The following RTEL1 variants were observed in gnomAD, a reference collection of about 807,000 sequenced individuals.
RTEL1 encodes regulator of telomere length.
A neutral mutation model predicts 162.2 loss-of-function variants in RTEL1; 86 were observed. The observed-to-expected ratio is 0.53, with a 90% confidence interval of 0.45 to 0.63. The LOEUF (loss-of-function observed/expected upper bound fraction) is 0.63. RTEL1 is among the 30% of genes least tolerant of loss of function. RTEL1 has a pLI of 0.00. For missense variants in RTEL1, 1,941 were observed against 1,750.2 expected (o/e 1.11, Z -1.95); for synonymous variants, 958 against 717.9 (o/e 1.33, Z -5.35).
At chr20:63,682,868 G>A (rs2090506670) in intron 14 of RTEL1, among the ~76,000 whole-genome samples, 1 of 152,258 alleles carries the variant, frequency 6.6e-6, no homozygotes, top group Non-Finnish European at 1.5e-5. Flanking sequence ...GGCCCGTGTT[G>A]GGGAACCAGT....
intron 16 of RTEL1, chr20:63,686,891 C>T (rs975190685): frequency 1.2e-5 from 2 of 164,658 alleles, no homozygotes; most frequent in Non-Finnish European, 2.6e-5. Flanking sequence ...TCTGATGTCA[C>T]TTGACTTCTC....
rs2090971128 is a variant in RTEL1 at position 63,696,000 on chromosome 20, C to A, written c.*142C>A. ...GCTGCAGGCCTCAGGCAGGCGGGGC[C>A]CATGGTTGGTCCCTGCGGTGGGACC... On this transcript the variant is annotated 3_prime_UTR_variant, in exon 35 of 35. Coordinates refer to ENST00000360203, the MANE Select transcript of RTEL1 (RefSeq NM_001283009.2). The A allele has an allele frequency of 3.7e-6, 3 of 807,636 alleles. No homozygotes were observed. The highest frequency in any genetic ancestry group is 5.8e-6 in the Non-Finnish European group (3 of 518,790). 50.0% of individuals were successfully genotyped at this position (807,636 alleles called of 1,614,324 possible).
chr20:63,658,253 C>T (rs1367974737), upstream of RTEL1: 3 of 152,374 alleles, frequency 2.0e-5, no homozygotes, highest in South Asian at 2.1e-4. Context: ...AGGCGGACCC[C>T]CTCCGCGGGG....
chr20:63,664,195 G>A lies in RTEL1; in HGVS notation c.538+1306G>A, dbSNP rs757294165. Among the ~76,000 whole-genome samples the A allele has an allele frequency of 3.9e-5, 6 of 152,280 alleles. No homozygotes were observed. The Middle Eastern group carries it at 0.01, about 259-fold the overall frequency. ...CGTCCCGGTGATGCCTGCAGGACGT[G>A]ACTCTGGGACGGGGGGTTGGGCAGA... On this transcript the variant is annotated intron_variant, in intron 6 of 34. Coordinates refer to ENST00000360203, the MANE Select transcript of RTEL1 (RefSeq NM_001283009.2).
rs1297204312 is a variant in RTEL1 at position 63,695,605 on chromosome 20, C to G, written c.3777C>G (p.Ala1259=). ...ACGTGGTGCCCTTCCAGTGCCCTGC[C>G]TGTGACTTCCAGCGCTGCCAAGCCT... ...AEDVVPFQCP[A]CDFQRCQACW... is the part of the protein sequence containing the mutation. Residue 1259 remains alanine (A), a synonymous_variant, in exon 34 of 35, where the codon GCC becomes GCG. Transcript: ENST00000360203. 1.2e-6 allele frequency: 2 copies of G among 1,611,966 alleles called. No homozygotes were observed. Among genetic ancestry groups the G allele is most frequent in the African/African-American group, 1.3e-5 (1 of 75,054 alleles).
chr20:63,662,665 C>T (rs1302272941), intron 5 of RTEL1, 38 bp downstream of exon 5: 3 of 1,612,154 alleles, frequency 1.9e-6, no homozygotes, highest in Non-Finnish European at 2.5e-6. Flanking sequence ...CAGTGTCCGA[C>T]AGGCGAGTGC....
At position 63,689,854 on chromosome 20, in the gene RTEL1, C is replaced by T. The variant is rs2145429198; in HGVS notation, c.2130C>T (p.Leu710=). The T allele has an allele frequency of 6.2e-7, 1 of 1,609,244 alleles. No homozygotes were observed. Among genetic ancestry groups the T allele is most frequent in the Non-Finnish European group, 8.5e-7 (1 of 1,179,624 alleles). The change falls in exon 24 of 35, where the codon CTC becomes CTT. Residue 710 remains leucine (L), a synonymous_variant. Transcript: ENST00000360203. ...RHRQDYGAVF[L]CDHRFAFADA... is the part of the protein sequence containing the mutation. ...GCCAGGACTACGGAGCTGTCTTCCT[C>T]TGTGACCACAGGTGCGTGCAGTCCG...
Position 63,696,034 on chromosome 20 carries a change from G to A in RTEL1, c.*176G>A. 1.6e-6 allele frequency: 1 copy of A among 638,346 alleles called. No homozygotes were observed. The highest frequency in any genetic ancestry group is 2.7e-6 in the Non-Finnish European group (1 of 374,882). The allele number at this position is 638,346 out of a possible 1,614,324, so 39.5% of individuals were successfully genotyped here. A position where few individuals can be genotyped will look rare whatever the true frequency, so the allele number is the denominator to read the frequency against. On this transcript the variant is annotated 3_prime_UTR_variant, in exon 35 of 35. Coordinates refer to ENST00000360203, the MANE Select transcript of RTEL1 (RefSeq NM_001283009.2). ...GTCCCTGCGGTGGGACCGGATCTGG[G>A]CCTGCCTCTGAGAAGCCCTGAGCTA... is the stretch of plus-strand genomic sequence containing the variant.
chr20:63,690,164 A>G lies in RTEL1; in HGVS notation c.2219A>G (p.His740Arg), dbSNP rs766960228. 4.3e-6 allele frequency: 7 copies of G among 1,612,422 alleles called. No homozygotes were observed. The highest frequency in any genetic ancestry group is 2.7e-5 in the African/African-American group (2 of 74,914). Residue 740 changes from histidine (H) to arginine (R), a missense_variant, in exon 25 of 35, where the codon CAT becomes CGT. By Grantham distance (29) the His-to-Arg change is conservative (BLOSUM62 0). Transcript: ENST00000360203. The part of the protein sequence containing the change: ...PHVRVYDNFG[H>R]VIRDVAQFFR... The stretch of plus-strand genomic sequence containing the variant: ...GTCAGGGTGTATGACAACTTTGGCC[A>G]TGTCATCCGAGACGTGGCCCAGTTC...
chr20:63,662,433 A>C, intron 4 of RTEL1, 113 bp from the exon 5 acceptor site: 1 of 1,561,072 alleles, frequency 6.4e-7, no homozygotes, highest in Non-Finnish European at 8.7e-7. Context: ...AGTTATGCTC[A>C]CTTCCTCTGA....
In RTEL1 at chr20:63,688,175, T is replaced by C; in HGVS notation, c.1632T>C (p.Ala544=). Residue 544 remains alanine (A), a synonymous_variant, in exon 19 of 35, where the codon GCT becomes GCC. Coordinates refer to ENST00000360203, the MANE Select transcript of RTEL1 (RefSeq NM_001283009.2). ...AGTGCTTATCCTCCCTGGGGAAGGC[T>C]CTGGGTGAGTGCCCTGAATGCCCCA... ...SEECLSSLGK[A]LGNIARVVPY... The C allele has an allele frequency of 6.2e-7, 1 of 1,612,022 alleles. No individual in the cohort carries two copies. Among genetic ancestry groups the C allele is most frequent in the Non-Finnish European group, 8.5e-7 (1 of 1,179,936 alleles).
intron 24 of RTEL1, 24 bp from the exon 25 acceptor site, chr20:63,690,063 A>G (rs1425993824): frequency 6.2e-7 from 1 of 1,606,788 alleles, no homozygotes; most frequent in East Asian, 2.2e-5. Flanking sequence ...TGGGCAGGGC[A>G]GCAGGGCTAT....
At chr20:63,680,607 T>C in intron 13 of RTEL1, 57 bp from the exon 14 acceptor site, 6 of 1,582,070 alleles carry the variant, frequency 3.8e-6, no homozygotes, top group Non-Finnish European at 5.2e-6. Flanking sequence ...GGGCCGGGGC[T>C]GGGGTCGGGG....
rs373448481 is a variant in RTEL1 at position 63,694,821 on chromosome 20, C to G, written c.3190C>G (p.Leu1064Val). 2 of 1,612,438 alleles carry G rather than the reference C, an allele frequency of 1.2e-6. No homozygotes were observed. The highest frequency in any genetic ancestry group is 2.7e-5 in the African/African-American group (2 of 74,938). ...GGGCCAGCACGCCGTGAGCGCCTAC[C>G]TGGCTGATGCCCGCAGGGCCCTGGG... is the stretch of plus-strand genomic sequence containing the variant. ...KQGQHAVSAYLADARRALGSA... is the reference protein window; with the variant it reads ...KQGQHAVSAYVADARRALGSA... Residue 1064 changes from leucine to valine, a missense_variant, in exon 32 of 35, where the codon CTG (leucine) becomes GTG (valine). Transcript: ENST00000360203.
At position 63,692,380 on chromosome 20, in the gene RTEL1, C is replaced by T. The variant is rs145542306; in HGVS notation, c.2653-425C>T. 1,149 of 235,830 alleles carry T rather than the reference C, an allele frequency of 4.9e-3. 7 individuals carry two copies. Among genetic ancestry groups the T allele is most frequent in the Admixed American group, 8.7e-3 (170 of 19,488 alleles). The allele number at this position is 235,830 out of a possible 1,614,324, so 14.6% of individuals were successfully genotyped here. Reference sequence around the variant, plus strand: ...TGGGCCGCCCCTGCCTTGGTTTCCACGTTTCCGTGTTGGTCTGGGGTGTGT... The same window carrying T: ...TGGGCCGCCCCTGCCTTGGTTTCCATGTTTCCGTGTTGGTCTGGGGTGTGT... On this transcript the variant is annotated intron_variant, in intron 28 of 34. Coordinates refer to ENST00000360203, the MANE Select transcript of RTEL1 (RefSeq NM_001283009.2).
At position 63,695,559 on chromosome 20, in the gene RTEL1, G is replaced by A; in HGVS notation, c.3731G>A (p.Cys1244Tyr). The change falls in exon 34 of 35, where the codon TGC becomes TAC. Residue 1244 changes from cysteine to tyrosine, a missense_variant. Physicochemically the swap from Cys to Tyr is radical, Grantham distance 194. Coordinates refer to ENST00000360203, the MANE Select transcript of RTEL1 (RefSeq NM_001283009.2). The stretch of plus-strand genomic sequence containing the variant: ...GGGCCCCTCTCAGCAGGCTGTGTGT[G>A]CCAGGGCTGTGGGGCAGAGGACGTG... Reference protein sequence around the residue: ...PGGPLSAGCVCQGCGAEDVVP... With the variant: ...PGGPLSAGCVYQGCGAEDVVP... 6.2e-7 allele frequency: 1 copy of A among 1,612,334 alleles called. No individual in the cohort carries two copies. The highest frequency in any genetic ancestry group is 1.1e-5 in the South Asian group (1 of 91,064).
intron 6 of RTEL1, among the ~76,000 whole-genome samples, chr20:63,664,667 T>C (rs888250770): frequency 6.6e-6 from 1 of 152,196 alleles, no homozygotes; most frequent in African/African-American, 2.4e-5. Context: ...CTTCGCACCC[T>C]GTCTGCCACC....
intron 14 of RTEL1, chr20:63,681,725 G>A: frequency 1.0e-6 from 1 of 985,358 alleles, no homozygotes; most frequent in Non-Finnish European, 1.2e-6. Flanking sequence ...GCACAGGGTG[G>A]TGGGGCCCAG....
intron 34 of RTEL1, 25 bp downstream of exon 34, chr20:63,695,675 C>T: frequency 6.2e-7 from 1 of 1,610,846 alleles, no homozygotes; most frequent in South Asian, 1.1e-5. Flanking sequence ...ACTACAGTTC[C>T]TGCTGGGTGT....
Sources: gnomAD v4.1 joint callset for allele counts (sites outside exome capture counted in the v4.1 genomes callset) on GRCh38, gnomAD v4.1.1 for gene constraint, MANE v1.5 for transcripts, NCBI Gene and HGNC (gene_info 2026-07-23, HGNC 2026-07-21) for gene names.